CDK14: variants seen among roughly 807,000 people sequenced by gnomAD.
The protein encoded by CDK14 is cyclin dependent kinase 14, also known as cyclin-dependent kinase 14.
A neutral mutation model predicts 60.7 loss-of-function variants in CDK14; 34 were observed. That is an observed-to-expected ratio of 0.56 (90% confidence interval 0.43 to 0.75). CDK14 has a LOEUF of 0.75. Ranked by LOEUF, CDK14 falls within the 30% of genes least tolerant of loss-of-function variation. The pLI is 0.00. For synonymous variants in CDK14, 197 were observed against 203.7 expected, an observed-to-expected ratio of 0.97 and a Z score of 0.28; for missense variants, 482 against 564.1, an observed-to-expected ratio of 0.85 and a Z score of 1.47.
At chr7:91,164,469 T>C (rs938274689) in intron 14 of CDK14, among the ~76,000 whole-genome samples, 6 of 152,134 alleles carry the variant, frequency 3.9e-5, no homozygotes, top group Non-Finnish European at 8.8e-5. Context: ...GTCCAGCTAG[T>C]AAGTGATCAG....
chr7:90,799,490 C>A (rs576583753), intron 5 of CDK14, among the ~76,000 whole-genome samples: 1 of 151,884 alleles, frequency 6.6e-6, no homozygotes, highest in East Asian at 1.9e-4. Context: ...GAGTTTGAGA[C>A]CAGCCTGTTC....
chr7:90,630,802 C>A (rs1400628632), intron 2 of CDK14, among the ~76,000 whole-genome samples: 1 of 151,610 alleles, frequency 6.6e-6, no homozygotes, highest in Non-Finnish European at 1.5e-5. Context: ...TCCAAATTTA[C>A]CCATTAAAAG....
chr7:90,757,272 G>A (rs1016999265), intron 4 of CDK14, among the ~76,000 whole-genome samples: 41 of 146,964 alleles, frequency 2.8e-4, no homozygotes, highest in Non-Finnish European at 2.2e-4. Context: ...CTGTGTCCAA[G>A]TTTTCCCTTT....
chr7:90,903,364 A>G (rs1792582152), intron 7 of CDK14, among the ~76,000 whole-genome samples: 1 of 152,200 alleles, frequency 6.6e-6, no homozygotes, highest in Non-Finnish European at 1.5e-5. Context: ...CATACATACA[A>G]TGGAAGATTA....
chr7:90,971,485 A>G (rs1345627121), intron 9 of CDK14, among the ~76,000 whole-genome samples: 1 of 152,168 alleles, frequency 6.6e-6, no homozygotes, highest in Non-Finnish European at 1.5e-5. Flanking sequence ...ATGGACAAAG[A>G]CTAACAGCTG....
chr7:91,185,668 T>C lies in CDK14; in HGVS notation c.*29-21497T>C, dbSNP rs1031473252. Among the ~76,000 whole-genome samples the C allele has an allele frequency of 1.6e-4, 24 of 152,098 alleles. No individual in the cohort carries two copies. The East Asian group carries it at 1.7e-3, about 11-fold the overall frequency. ...TAGAATTATTTTATTTTTACAACTT[T>C]GTTGAGATATTACCACATCCTAAAA... is the stretch of plus-strand genomic sequence containing the variant. On this transcript the variant is annotated intron_variant, in intron 14 of 14. Transcript: ENST00000380050.
At chr7:90,994,013 A>C (rs1402481888) in intron 10 of CDK14, among the ~76,000 whole-genome samples, 1 of 152,194 alleles carries the variant, frequency 6.6e-6, no homozygotes, top group Non-Finnish European at 1.5e-5. Flanking sequence ...AATATACATG[A>C]CTTTATTTTT....
chr7:91,115,273 A>T (rs1208037156), intron 13 of CDK14, among the ~76,000 whole-genome samples: 1 of 152,158 alleles, frequency 6.6e-6, no homozygotes, highest in South Asian at 2.1e-4. Context: ...TCTCTTGGGG[A>T]TGGGAGGTCC....
At chr7:91,165,834 C>T (rs1012349520) in intron 14 of CDK14, among the ~76,000 whole-genome samples, 1 of 152,178 alleles carries the variant, frequency 6.6e-6, no homozygotes, top group African/African-American at 2.4e-5. Context: ...AGTAATCAAT[C>T]ATAGATTTAT....
chr7:90,653,824 C>A (rs868720112), intron 2 of CDK14, among the ~76,000 whole-genome samples: 3 of 152,176 alleles, frequency 2.0e-5, no homozygotes, highest in East Asian at 1.9e-4. Context: ...CTTCTCCCCC[C>A]ACCTGATGAC....
intron 4 of CDK14, among the ~76,000 whole-genome samples, chr7:90,774,349 T>C (rs192364455): frequency 4.9e-4 from 74 of 152,324 alleles, no homozygotes; most frequent in African/African-American, 1.4e-3. Flanking sequence ...TTATATTTAA[T>C]TGAATAACTT....
intron 8 of CDK14, among the ~76,000 whole-genome samples, chr7:90,949,531 G>A (rs1478181682): frequency 1.3e-5 from 2 of 151,982 alleles, no homozygotes; most frequent in African/African-American, 4.8e-5. Flanking sequence ...AAAAATCTGT[G>A]CCGTTTAGGA....
At chr7:91,057,952 G>T (rs1183665706) in intron 11 of CDK14, among the ~76,000 whole-genome samples, 1 of 152,002 alleles carries the variant, frequency 6.6e-6, no homozygotes, top group Non-Finnish European at 1.5e-5. Flanking sequence ...GAAAGTCATT[G>T]GTAGCTTGAT....
chr7:91,167,301 G>A (rs803176), intron 14 of CDK14, among the ~76,000 whole-genome samples: 115,483 of 152,180 alleles, frequency 0.76, 44,601 homozygotes, highest in Non-Finnish European at 0.82. Context: ...TTTAAAAAAG[G>A]AGAAACAAAG....
chr7:90,831,250 G>A (rs1789901439), intron 5 of CDK14, among the ~76,000 whole-genome samples: 1 of 152,144 alleles, frequency 6.6e-6, no homozygotes, highest in Admixed American at 6.5e-5. Context: ...GGGTGGGGAG[G>A]CCTCAGGAAA....
intron 9 of CDK14, among the ~76,000 whole-genome samples, chr7:90,982,471 T>C (rs1795256619): frequency 6.6e-6 from 1 of 152,162 alleles, no homozygotes; most frequent in Non-Finnish European, 1.5e-5. Context: ...CCAACCTAGA[T>C]AAAATGAAAC....
At chr7:90,996,002 G>T (rs567671412) in intron 10 of CDK14, among the ~76,000 whole-genome samples, 2 of 152,304 alleles carry the variant, frequency 1.3e-5, no homozygotes, top group South Asian at 2.1e-4. Flanking sequence ...TTAAAACCTA[G>T]ATAGTGTGGA....
chr7:90,611,556 G>T (rs1799538289), intron 2 of CDK14, among the ~76,000 whole-genome samples: 2 of 152,240 alleles, frequency 1.3e-5, no homozygotes, highest in South Asian at 4.1e-4. Flanking sequence ...CTTGGTTTTT[G>T]TTCCTTGCTG....
chr7:90,776,909 G>C (rs1805071503), intron 4 of CDK14, among the ~76,000 whole-genome samples: 2 of 151,568 alleles, frequency 1.3e-5, no homozygotes, highest in Non-Finnish European at 2.9e-5. Flanking sequence ...GAAGGAAATG[G>C]TGTGACATTC....
Sources: gnomAD v4.1 joint callset for allele counts (sites outside exome capture counted in the v4.1 genomes callset) on GRCh38, gnomAD v4.1.1 for gene constraint, MANE v1.5 for transcripts, NCBI Gene and HGNC (gene_info 2026-07-23, HGNC 2026-07-21) for gene names.